Variants in ELMO1 observed in about 807,000 individuals in gnomAD.
ELMO1 encodes the protein engulfment and cell motility protein 1.
In ELMO1, 26 loss-of-function variants were observed where a neutral mutation model predicts 98.9. That is an observed-to-expected ratio of 0.26 (90% CI 0.19 to 0.36). The LOEUF is 0.36. Ranked by LOEUF, ELMO1 falls within the 10% of genes least tolerant of loss-of-function variation. The pLI, the probability that ELMO1 is intolerant of heterozygous loss-of-function variation, is 1.00. For synonymous variants in ELMO1, 346 were observed against 346.0 expected, an observed-to-expected ratio of 1.00 and a Z score of 0.00; for missense variants, 627 against 935.2, an observed-to-expected ratio of 0.67 and a Z score of 4.30.
intron 16 of ELMO1, among the ~76,000 whole-genome samples, chr7:37,007,301 C>T (rs1378965577): frequency 6.6e-6 from 1 of 152,168 alleles, no homozygotes; most frequent in African/African-American, 2.4e-5. Context: ...TCAATTAAAA[C>T]ATACACCTAC....
Position 36,878,131 on chromosome 7 carries a change from C to T in ELMO1, c.1715-14G>A. ...ACCAAAACTTGTCTGAGAGAAAAAA[C>T]ACAAGTTTACAAGGTAAGTGATTGT... is the stretch of plus-strand genomic sequence containing the variant. On this transcript the variant is annotated splice_polypyrimidine_tract_variant and intron_variant, in intron 18 of 21. Coordinates refer to ENST00000310758, the MANE Select transcript of ELMO1 (RefSeq NM_014800.11). The T allele has an allele frequency of 6.3e-7, 1 of 1,594,440 alleles. No homozygotes were observed. The highest frequency in any genetic ancestry group is 2.2e-5 in the East Asian group (1 of 44,740).
chr7:37,316,028 A>AGACTCATTGACAACAACTAAGAAT, intron 2 of ELMO1, 68 bp from the exon 3 acceptor site: 1 of 1,235,568 alleles, frequency 8.1e-7, no homozygotes, highest in Non-Finnish European at 1.1e-6. Flanking sequence ...AAAAAAGAAG[A>AGACTCATTGACAACAACTAAGAAT]AGCTTCATAA....
chr7:37,248,954 A>C (rs1293645230), intron 6 of ELMO1, among the ~76,000 whole-genome samples: 1 of 152,236 alleles, frequency 6.6e-6, no homozygotes, highest in Admixed American at 6.5e-5. Context: ...CACATAATGG[A>C]AAACTGTCAT....
chr7:37,084,075 T>C (rs887132890), intron 15 of ELMO1, among the ~76,000 whole-genome samples: 4 of 152,012 alleles, frequency 2.6e-5, no homozygotes, highest in African/African-American at 9.7e-5. Flanking sequence ...AGATTGAAAA[T>C]AGATCATTTT....
chr7:37,025,479 A>C (rs577156310), intron 15 of ELMO1, among the ~76,000 whole-genome samples: 2 of 152,310 alleles, frequency 1.3e-5, no homozygotes, highest in South Asian at 4.1e-4. Flanking sequence ...ACATCTGAAT[A>C]AGTGGACTCA....
chr7:37,094,776 C>T (rs923639231), intron 15 of ELMO1, among the ~76,000 whole-genome samples: 11 of 152,202 alleles, frequency 7.2e-5, no homozygotes, highest in African/African-American at 2.7e-4. Flanking sequence ...CAAAATACTT[C>T]CAATCCATTT....
intron 13 of ELMO1, among the ~76,000 whole-genome samples, chr7:37,138,831 T>C (rs1460902844): frequency 6.6e-6 from 1 of 152,130 alleles, no homozygotes; most frequent in Non-Finnish European, 1.5e-5. Context: ...CTCAATAAAA[T>C]ACTAGTGAAC....
intron 1 of ELMO1, among the ~76,000 whole-genome samples, chr7:37,434,732 C>A (rs927505676): frequency 6.6e-6 from 1 of 152,208 alleles, no homozygotes; most frequent in African/African-American, 2.4e-5. Flanking sequence ...CTGCCTCAGG[C>A]ACTCTGCTCC....
intron 1 of ELMO1, among the ~76,000 whole-genome samples, chr7:37,419,050 G>C (rs566274123): frequency 6.6e-6 from 1 of 152,216 alleles, no homozygotes; most frequent in South Asian, 2.1e-4. Flanking sequence ...CCAGGACTGA[G>C]CCCGCAGAGG....
chr7:37,098,454 C>G (rs1222698103), intron 14 of ELMO1, among the ~76,000 whole-genome samples: 5 of 152,018 alleles, frequency 3.3e-5, no homozygotes, highest in African/African-American at 9.7e-5. Flanking sequence ...TTTAGATAAC[C>G]AGGTGATCAA....
intron 4 of ELMO1, among the ~76,000 whole-genome samples, chr7:37,298,304 G>T (rs1798159758): frequency 1.6e-5 from 2 of 126,474 alleles, no homozygotes; most frequent in Non-Finnish European, 1.7e-5. Context: ...TTTTTTAAGA[G>T]TTTTTTTTTT....
chr7:37,034,954 A>G (rs1269359988), intron 15 of ELMO1, among the ~76,000 whole-genome samples: 2 of 152,166 alleles, frequency 1.3e-5, no homozygotes, highest in Non-Finnish European at 2.9e-5. Flanking sequence ...GTTGGAAGTG[A>G]GCAGCTTTAT....
At chr7:37,037,650 G>A (rs1460337111) in intron 15 of ELMO1, among the ~76,000 whole-genome samples, 2 of 152,112 alleles carry the variant, frequency 1.3e-5, no homozygotes. Flanking sequence ...GAGAGGAAGG[G>A]GCTAGTATCA....
At chr7:37,043,561 T>C (rs533004411) in intron 15 of ELMO1, among the ~76,000 whole-genome samples, 1 of 152,262 alleles carries the variant, frequency 6.6e-6, no homozygotes, top group South Asian at 2.1e-4. Flanking sequence ...TGCAGAGAAC[T>C]GTACTCAAAA....
intron 10 of ELMO1, among the ~76,000 whole-genome samples, chr7:37,217,219 G>C (rs1377780706): frequency 6.6e-6 from 1 of 151,766 alleles, no homozygotes; most frequent in South Asian, 2.1e-4. Context: ...GTGATGCAAA[G>C]CTCTAGAGTC....
At chr7:37,184,847 C>T (rs886882479) in intron 13 of ELMO1, among the ~76,000 whole-genome samples, 1 of 151,906 alleles carries the variant, frequency 6.6e-6, no homozygotes, top group Admixed American at 6.6e-5. Context: ...TGCAGTAAGC[C>T]ATGATCATGC....
intron 1 of ELMO1, among the ~76,000 whole-genome samples, chr7:37,398,597 T>A (rs562157310): frequency 6.6e-6 from 1 of 152,222 alleles, no homozygotes. Context: ...ACTAACGGGC[T>A]GAAGTTTCCT....
intron 12 of ELMO1, among the ~76,000 whole-genome samples, chr7:37,212,078 A>C (rs1185053752): frequency 6.6e-6 from 1 of 152,222 alleles, no homozygotes; most frequent in Non-Finnish European, 1.5e-5. Flanking sequence ...TAGATGCTAC[A>C]ATCTGGATGA....
chr7:36,869,914 T>C (rs147828356), intron 20 of ELMO1, among the ~76,000 whole-genome samples: 82 of 152,352 alleles, frequency 5.4e-4, no homozygotes, highest in Admixed American at 1.2e-3. Context: ...TTTAAAGTTT[T>C]CTAAGATTCT....
Sources: allele counts gnomAD v4.1 joint callset (sites outside exome capture counted in the v4.1 genomes callset), GRCh38; gene constraint gnomAD v4.1.1; transcripts MANE v1.5; gene names NCBI Gene and HGNC (gene_info 2026-07-23, HGNC 2026-07-21).